FCHO2: variants seen among roughly 807,000 people sequenced by gnomAD.
FCHO2 encodes the protein FCH and mu domain containing endocytic adaptor 2.
A neutral mutation model predicts 114.1 loss-of-function variants in FCHO2; 43 were observed. That is an observed-to-expected ratio of 0.38 (90% CI 0.30 to 0.49). The LOEUF is 0.49. FCHO2 is among the 20% of genes least tolerant of loss of function. FCHO2 has a pLI of 0.97. For missense variants in FCHO2, 807 were observed against 950.4 expected, an observed-to-expected ratio of 0.85 and a Z score of 1.98; for synonymous variants, 293 against 315.2, an observed-to-expected ratio of 0.93 and a Z score of 0.75.
intron 22 of FCHO2, among the ~76,000 whole-genome samples, chr5:73,079,426 T>G (rs1392346151): frequency 6.6e-6 from 1 of 152,120 alleles, no homozygotes; most frequent in African/African-American, 2.4e-5. Context: ...AATGGAAAAT[T>G]GTTTATACGA....
intron 2 of FCHO2, among the ~76,000 whole-genome samples, chr5:72,982,970 G>A (rs1753300896): frequency 6.6e-6 from 1 of 151,472 alleles, no homozygotes; most frequent in South Asian, 2.1e-4. Flanking sequence ...CTGGAGTGCA[G>A]TGGCGCGATC....
intron 16 of FCHO2, among the ~76,000 whole-genome samples, chr5:73,056,886 T>C (rs1333719517): frequency 5.3e-5 from 8 of 152,124 alleles, no homozygotes; most frequent in African/African-American, 1.9e-4. Flanking sequence ...AAAAAAAATG[T>C]TAAGCCAATG....
chr5:73,037,814 T>C, intron 10 of FCHO2: 3 of 352,004 alleles, frequency 8.5e-6, no homozygotes, highest in South Asian at 6.3e-5. Context: ...TGGAATGCAA[T>C]GGCGCGATCT....
chr5:73,068,907 C>T (rs893554504), intron 19 of FCHO2, 128 bp downstream of exon 19: 6 of 1,061,140 alleles, frequency 5.7e-6, no homozygotes, highest in African/African-American at 1.6e-5. Flanking sequence ...TGGAAACACA[C>T]CTGGAATTTA....
intron 6 of FCHO2, among the ~76,000 whole-genome samples, chr5:73,010,478 C>CT (rs1194040713): frequency 6.6e-6 from 1 of 152,106 alleles, no homozygotes; most frequent in Non-Finnish European, 1.5e-5. Context: ...TTTTATATAT[C>CT]TTTAGTGGCT....
chr5:72,983,419 G>C (rs1435008796), intron 2 of FCHO2, among the ~76,000 whole-genome samples: 1 of 151,068 alleles, frequency 6.6e-6, no homozygotes, highest in African/African-American at 2.4e-5. Flanking sequence ...GTCTTGTTCT[G>C]TCACTCAGGC....
chr5:72,972,244 A>G (rs1305943313), intron 2 of FCHO2, among the ~76,000 whole-genome samples: 1 of 151,820 alleles, frequency 6.6e-6, no homozygotes, highest in African/African-American at 2.4e-5. Context: ...GAAGAAAGTC[A>G]TTAGTAGCTT....
At chr5:73,061,233 G>A (rs1168219401) in intron 17 of FCHO2, among the ~76,000 whole-genome samples, 1 of 151,854 alleles carries the variant, frequency 6.6e-6, no homozygotes, top group Non-Finnish European at 1.5e-5. Context: ...TTGCTCCTCT[G>A]GGAAAACAGG....
intron 6 of FCHO2, among the ~76,000 whole-genome samples, chr5:73,007,609 G>C (rs1286633952): frequency 6.6e-6 from 1 of 152,136 alleles, no homozygotes; most frequent in Non-Finnish European, 1.5e-5. Context: ...CTTAGAAAGC[G>C]AAGTCTTGCA....
chr5:73,043,800 T>C (rs1281950927), intron 11 of FCHO2, among the ~76,000 whole-genome samples: 1 of 152,222 alleles, frequency 6.6e-6, no homozygotes, highest in African/African-American at 2.4e-5. Flanking sequence ...GGTACTTTAC[T>C]TGTGGATACC....
intron 8 of FCHO2, among the ~76,000 whole-genome samples, chr5:73,023,698 C>T (rs1017431828): frequency 6.9e-6 from 1 of 145,388 alleles, no homozygotes; most frequent in African/African-American, 2.5e-5. Flanking sequence ...GAAACTCCAT[C>T]TCAAAAAAAA....
intron 20 of FCHO2, 109 bp downstream of exon 20, chr5:73,074,962 T>G (rs1397186192): frequency 2.3e-6 from 2 of 860,192 alleles, no homozygotes; most frequent in Non-Finnish European, 1.7e-6. Flanking sequence ...CTGTGTAGAT[T>G]ACAGTTTTCT....
intron 8 of FCHO2, chr5:73,021,139 T>TC: frequency 1.3e-6 from 1 of 780,438 alleles, no homozygotes. Context: ...CAGGAAATCT[T>TC]CATGGCTGAG....
intron 11 of FCHO2, among the ~76,000 whole-genome samples, chr5:73,050,351 G>A (rs867515549): frequency 5.5e-5 from 8 of 146,190 alleles, no homozygotes; most frequent in African/African-American, 1.0e-4. Context: ...GACAGAGCTC[G>A]CTCTTTTGCC....
At chr5:73,052,295 A>G in intron 12 of FCHO2, 37 bp from the exon 13 acceptor site, 4 of 1,546,826 alleles carry the variant, frequency 2.6e-6, no homozygotes, top group Non-Finnish European at 3.5e-6. Context: ...TTATACGTCT[A>G]AGGTAATTTA....
chr5:73,075,561 C>T (rs1198536473), intron 20 of FCHO2, among the ~76,000 whole-genome samples: 1 of 152,116 alleles, frequency 6.6e-6, no homozygotes, highest in East Asian at 1.9e-4. Context: ...ACATGGAAAG[C>T]CAGTGGAGGC....
intron 6 of FCHO2, among the ~76,000 whole-genome samples, chr5:73,008,331 G>A (rs1265748002): frequency 1.3e-5 from 2 of 152,188 alleles, no homozygotes; most frequent in African/African-American, 4.8e-5. Flanking sequence ...GTAGTCAGGT[G>A]AGAAGGATGA....
chr5:73,051,840 G>A (rs1757352733), intron 12 of FCHO2, among the ~76,000 whole-genome samples: 1 of 152,146 alleles, frequency 6.6e-6, no homozygotes, highest in Admixed American at 6.6e-5. Context: ...AAAGTGCTGG[G>A]ATTACAGGTG....
At chr5:73,031,206 T>C (rs1387960803) in intron 8 of FCHO2, among the ~76,000 whole-genome samples, 3 of 152,154 alleles carry the variant, frequency 2.0e-5, no homozygotes, top group Non-Finnish European at 4.4e-5. Context: ...CTTGAAAATG[T>C]AGTAATTGAT....
Sources: allele counts gnomAD v4.1 joint callset (sites outside exome capture counted in the v4.1 genomes callset), GRCh38; gene constraint gnomAD v4.1.1; transcripts MANE v1.5; gene names NCBI Gene and HGNC (gene_info 2026-07-23, HGNC 2026-07-21).